The following PTPRD variants were observed in gnomAD, a reference collection of about 807,000 sequenced individuals.
The protein encoded by PTPRD is protein tyrosine phosphatase receptor type D.
In PTPRD, 34 loss-of-function variants were observed where a neutral mutation model predicts 214.5. The observed-to-expected ratio is 0.16, with a 90% CI of 0.12 to 0.21. PTPRD has a LOEUF of 0.21. PTPRD is among the 10% of genes least tolerant of loss of function. The pLI, the probability that PTPRD is intolerant of heterozygous loss-of-function variation, is 1.00. For missense variants in PTPRD, 2,545 were observed against 2,398.7 expected (o/e 1.06, Z -1.27); for synonymous variants, 1,128 against 845.7 (o/e 1.33, Z -5.79).
intron 3 of PTPRD, among the ~76,000 whole-genome samples, chr9:10,130,415 A>G (rs2098854876): frequency 6.6e-6 from 1 of 152,058 alleles, no homozygotes; most frequent in East Asian, 1.9e-4. Context: ...CCTATGTCAT[A>G]TTTGCCCTCT....
At chr9:10,556,974 A>G (rs918954995) in intron 2 of PTPRD, among the ~76,000 whole-genome samples, 4 of 152,260 alleles carry the variant, frequency 2.6e-5, no homozygotes, top group African/African-American at 9.6e-5. Flanking sequence ...CAGACATCCT[A>G]TGAAATTACG....
chr9:9,706,726 C>A (rs2097620559), intron 7 of PTPRD, among the ~76,000 whole-genome samples: 1 of 152,080 alleles, frequency 6.6e-6, no homozygotes, highest in East Asian at 1.9e-4. Flanking sequence ...AGGCATGAGC[C>A]ACCATGCCTG....
intron 2 of PTPRD, among the ~76,000 whole-genome samples, chr9:10,364,803 T>C (rs1000139392): frequency 2.0e-5 from 3 of 152,284 alleles, no homozygotes; most frequent in African/African-American, 7.2e-5. Context: ...TAATCTATTA[T>C]CTCTATTACC....
At chr9:9,770,111 G>T (rs148937922) in intron 5 of PTPRD, among the ~76,000 whole-genome samples, 2 of 151,996 alleles carry the variant, frequency 1.3e-5, no homozygotes, top group African/African-American at 4.8e-5. Flanking sequence ...TATAATCCTT[G>T]GAGTATATAT....
chr9:8,977,957 C>T (rs1488318707), intron 11 of PTPRD, among the ~76,000 whole-genome samples: 1 of 152,060 alleles, frequency 6.6e-6, no homozygotes, highest in Non-Finnish European at 1.5e-5. Flanking sequence ...ATTGTTTATA[C>T]TGTTGTCTTT....
At chr9:8,355,134 T>C (rs1451065422) in intron 39 of PTPRD, among the ~76,000 whole-genome samples, 1 of 151,960 alleles carries the variant, frequency 6.6e-6, no homozygotes, top group Non-Finnish European at 1.5e-5. Context: ...CTCACGGTGG[T>C]AATGAGGGAT....
At chr9:10,308,904 T>C (rs1016533014) in intron 3 of PTPRD, among the ~76,000 whole-genome samples, 8 of 152,104 alleles carry the variant, frequency 5.3e-5, no homozygotes, top group Non-Finnish European at 1.0e-4. Flanking sequence ...TTTACTATTA[T>C]AAAAATGTTG....
At chr9:8,544,268 G>T (rs890193825) in intron 14 of PTPRD, among the ~76,000 whole-genome samples, 2 of 146,558 alleles carry the variant, frequency 1.4e-5, no homozygotes, top group Admixed American at 7.0e-5. Flanking sequence ...CCAGGTTCAA[G>T]CAATTTGCCT....
At chr9:9,973,818 T>G (rs546122168) in intron 4 of PTPRD, among the ~76,000 whole-genome samples, 102 of 152,288 alleles carry the variant, frequency 6.7e-4, no homozygotes, top group African/African-American at 2.3e-3. Context: ...TTATTTGTAT[T>G]TTTAATCATC....
At chr9:9,793,717 G>A (rs879483874) in intron 5 of PTPRD, among the ~76,000 whole-genome samples, 5 of 151,922 alleles carry the variant, frequency 3.3e-5, no homozygotes, top group African/African-American at 7.2e-5. Context: ...AAAAAAAAAT[G>A]TAATGGTAAA....
chr9:10,572,534 G>A (rs7025985), intron 2 of PTPRD, among the ~76,000 whole-genome samples: 43,709 of 152,038 alleles, frequency 0.29, 7,218 homozygotes, highest in African/African-American at 0.43. Context: ...CAGTGATGAA[G>A]GAAGCTAATT....
At chr9:10,432,485 AT>A (rs1171873527) in intron 2 of PTPRD, among the ~76,000 whole-genome samples, 4 of 151,964 alleles carry the variant, frequency 2.6e-5, no homozygotes, top group Non-Finnish European at 2.9e-5. Context: ...CAACTAATTT[AT>A]CCTAGTTTTT....
At chr9:9,910,280 T>C (rs1425212798) in intron 5 of PTPRD, among the ~76,000 whole-genome samples, 1 of 152,028 alleles carries the variant, frequency 6.6e-6, no homozygotes, top group Non-Finnish European at 1.5e-5. Context: ...AAAATAGACA[T>C]AGTTTATGAA....
intron 7 of PTPRD, among the ~76,000 whole-genome samples, chr9:9,719,338 C>T (rs1198058086): frequency 6.6e-6 from 1 of 152,102 alleles, no homozygotes; most frequent in Admixed American, 6.6e-5. Flanking sequence ...TCAAGATCCA[C>T]CAAACAGTGG....
At chr9:9,621,684 GGT>G (rs2095245958) in intron 7 of PTPRD, among the ~76,000 whole-genome samples, 1 of 152,140 alleles carries the variant, frequency 6.6e-6, no homozygotes, top group Non-Finnish European at 1.5e-5. Flanking sequence ...GGTGCAATCT[GGT>G]TTTAGGGGCA....
At position 10,148,726 on chromosome 9, in the gene PTPRD, G is replaced by A. The variant is rs140518331; in HGVS notation, c.-544-114936C>T. ...AATCACCTAGGGCCTTTTACCAACT[G>A]TAATGCCCAGGTTCACCTAGGCCAA... On this transcript the variant is annotated intron_variant, in intron 3 of 45. Coordinates refer to ENST00000381196, the MANE Select transcript of PTPRD (RefSeq NM_002839.4). 1.4e-3 allele frequency among the ~76,000 whole-genome samples: 209 copies of A among 152,268 alleles called. 1 individual carries two copies. Among genetic ancestry groups the A allele is most frequent in the African/African-American group, 4.3e-3 (178 of 41,554 alleles).
chr9:9,566,070 C>A (rs368584226), intron 8 of PTPRD, among the ~76,000 whole-genome samples: 2 of 151,570 alleles, frequency 1.3e-5, no homozygotes, highest in Non-Finnish European at 3.0e-5. Flanking sequence ...TTAGGGCTTG[C>A]TTTTTTATTC....
chr9:8,559,193 G>C (rs1012390296), intron 14 of PTPRD, among the ~76,000 whole-genome samples: 5 of 152,116 alleles, frequency 3.3e-5, no homozygotes, highest in African/African-American at 1.2e-4. Flanking sequence ...GCATTCAATA[G>C]TACAGTAGAA....
chr9:9,372,689 T>C (rs2059840693), intron 9 of PTPRD, among the ~76,000 whole-genome samples: 2 of 152,202 alleles, frequency 1.3e-5, no homozygotes, highest in South Asian at 2.1e-4. Context: ...CGTTAGTTGA[T>C]GCAGTTTCTT....
Sources: allele counts gnomAD v4.1 joint callset (sites outside exome capture counted in the v4.1 genomes callset), GRCh38; gene constraint gnomAD v4.1.1; transcripts MANE v1.5; gene names NCBI Gene and HGNC (gene_info 2026-07-23, HGNC 2026-07-21).